Variants in SNX7 observed in about 807,000 individuals in gnomAD.
SNX7 encodes sorting nexin-7.
Under a neutral mutation model 48.4 loss-of-function variants are expected in SNX7, and 35 were observed. The observed-to-expected ratio is 0.72, with a 90% CI of 0.55 to 0.96. SNX7 has a LOEUF of 0.96. SNX7 is among the 40% of genes least tolerant of loss of function. The probability of loss-of-function intolerance (pLI) is 0.00; values close to 1 mark genes in which losing one functional copy is unlikely to be tolerated. For missense variants in SNX7, 553 were observed against 548.9 expected, an observed-to-expected ratio of 1.01 and a Z score of -0.07; for synonymous variants, 190 against 190.2, an observed-to-expected ratio of 1.00 and a Z score of 0.01.
intron 7 of SNX7, among the ~76,000 whole-genome samples, chr1:98,712,369 A>G (rs1450523654): frequency 2.0e-5 from 3 of 152,152 alleles, no homozygotes; most frequent in African/African-American, 7.2e-5. Context: ...AGTCTAAATG[A>G]CTCATTGACT....
intron 1 of SNX7, among the ~76,000 whole-genome samples, chr1:98,674,277 G>A (rs1442430578): frequency 6.6e-6 from 1 of 152,192 alleles, no homozygotes; most frequent in Admixed American, 6.5e-5. Context: ...CACAGACTGA[G>A]TGTCTTACAT....
chr1:98,692,651 A>G (rs773197028), intron 4 of SNX7, among the ~76,000 whole-genome samples: 58 of 152,160 alleles, frequency 3.8e-4, no homozygotes, highest in Non-Finnish European at 7.9e-4. Context: ...GTCACATGGC[A>G]TTTTAAGCAG....
intron 8 of SNX7, among the ~76,000 whole-genome samples, chr1:98,749,012 A>G (rs1654445585): frequency 6.6e-6 from 1 of 152,198 alleles, no homozygotes; most frequent in Admixed American, 6.5e-5. Context: ...GCGTATGCTA[A>G]CACAAAAACA....
rs190642581 is a variant in SNX7, at chr1:98,746,599, A to G, written c.1278+8210A>G. Reference sequence around the variant, plus strand: ...TAGAGATATAAGATTTCTAATGCTCATTAGAGTGTTCATTTTAACACCACT... The same window carrying G: ...TAGAGATATAAGATTTCTAATGCTCGTTAGAGTGTTCATTTTAACACCACT... On this transcript the variant is annotated intron_variant, in intron 8 of 8. Transcript: ENST00000306121. Among the ~76,000 whole-genome samples, 468 of 152,216 alleles carry G rather than the reference A, an allele frequency of 3.1e-3. 6 individuals are homozygous for G. Among genetic ancestry groups the G allele is most frequent in the African/African-American group, 0.011 (447 of 41,558 alleles).
At chr1:98,701,796 T>C in intron 6 of SNX7, 21 bp from the exon 7 acceptor site, 1 of 1,538,064 alleles carries the variant, frequency 6.5e-7, no homozygotes, top group South Asian at 1.2e-5. Flanking sequence ...GCCTATTTTA[T>C]CTGTGTGTTT....
At chr1:98,711,909 T>G (rs1298561689) in intron 7 of SNX7, among the ~76,000 whole-genome samples, 1 of 152,192 alleles carries the variant, frequency 6.6e-6, no homozygotes, top group Non-Finnish European at 1.5e-5. Flanking sequence ...TTCATAATAT[T>G]CTGAGTTCTT....
In SNX7 at chr1:98,701,894, T is replaced by G. The variant is rs374421350; in HGVS notation, c.1116T>G (p.Asp372Glu). The G allele has an allele frequency of 9.3e-6, 15 of 1,606,664 alleles. No homozygotes were observed. Among genetic ancestry groups the G allele is most frequent in the Non-Finnish European group, 1.3e-5 (15 of 1,176,464 alleles). The change falls in exon 7 of 9, where the codon GAT becomes GAG. Residue 372 changes from aspartate (D) to glutamate (E), a missense_variant. By Grantham distance (45) the Asp-to-Glu change is conservative (BLOSUM62 2). Transcript: ENST00000306121. ...KVEVLTYKKA[D>E]TDLLPEEIGK... ...AAGTTTTGACCTATAAAAAGGCAGA[T>G]ACTGATCTGGTAAGTTTTTAAGTTT...
intron 7 of SNX7, among the ~76,000 whole-genome samples, chr1:98,727,381 G>T (rs182695809): frequency 1.1e-3 from 171 of 152,116 alleles, no homozygotes; most frequent in Non-Finnish European, 2.0e-3. Context: ...CAACCTCAAA[G>T]ATTAAAGGTA....
At chr1:98,703,738 A>ATATTC (rs1651876117) in intron 7 of SNX7, among the ~76,000 whole-genome samples, 1 of 152,028 alleles carries the variant, frequency 6.6e-6, no homozygotes, top group Non-Finnish European at 1.5e-5. Flanking sequence ...AGAGAGAGTT[A>ATATTC]AGAGTCAATT....
At chr1:98,719,923 G>T (rs1652776459) in intron 7 of SNX7, among the ~76,000 whole-genome samples, 1 of 149,256 alleles carries the variant, frequency 6.7e-6, no homozygotes, top group Non-Finnish European at 1.5e-5. Flanking sequence ...TTTCAACTAT[G>T]TATATTATAT....
intron 8 of SNX7, among the ~76,000 whole-genome samples, chr1:98,753,612 TA>T (rs1654692405): frequency 1.3e-5 from 2 of 152,084 alleles, no homozygotes; most frequent in South Asian, 4.1e-4. Context: ...TTGCAGTTAT[TA>T]AAAATATATC....
chr1:98,708,465 G>T (rs1652129208), intron 7 of SNX7, among the ~76,000 whole-genome samples: 1 of 152,178 alleles, frequency 6.6e-6, no homozygotes, highest in African/African-American at 2.4e-5. Flanking sequence ...CCCAGTTACA[G>T]ATACCTGAAA....
At chr1:98,699,468 T>C (rs975261671) in intron 6 of SNX7, among the ~76,000 whole-genome samples, 2 of 152,168 alleles carry the variant, frequency 1.3e-5, no homozygotes, top group African/African-American at 4.8e-5. Context: ...GGTTTCCAGA[T>C]ATTTGGAATT....
chr1:98,752,410 T>A (rs1399691205), intron 8 of SNX7, among the ~76,000 whole-genome samples: 1 of 152,046 alleles, frequency 6.6e-6, no homozygotes, highest in African/African-American at 2.4e-5. Flanking sequence ...TTACATTTAT[T>A]TAATTAAAAA....
At chr1:98,752,490 C>A (rs907285856) in intron 8 of SNX7, among the ~76,000 whole-genome samples, 1 of 151,958 alleles carries the variant, frequency 6.6e-6, no homozygotes, top group African/African-American at 2.4e-5. Context: ...AGATTCTCAG[C>A]TTTACAGGCC....
intron 7 of SNX7, among the ~76,000 whole-genome samples, chr1:98,726,548 G>A (rs1458632847): frequency 6.6e-6 from 1 of 152,148 alleles, no homozygotes; most frequent in Non-Finnish European, 1.5e-5. Flanking sequence ...GCTTGATTAT[G>A]TCTGATTGTT....
Position 98,684,204 on chromosome 1 carries a change from C to T in SNX7, c.181-681C>T, listed in dbSNP as rs142502267. 9.1e-4 allele frequency among the ~76,000 whole-genome samples: 139 copies of T among 152,272 alleles called. 1 individual carries two copies. In the Middle Eastern group the frequency reaches 0.014, roughly 15 times the overall value. ...CACTGCTATTTTAGTTACCACTTGACGATCAGATCTCCAGTTTCCAAAAAG... is the reference window on the plus strand; with the variant it reads ...CACTGCTATTTTAGTTACCACTTGATGATCAGATCTCCAGTTTCCAAAAAG... On this transcript the variant is annotated intron_variant, in intron 1 of 8. Coordinates refer to ENST00000306121, the MANE Select transcript of SNX7 (RefSeq NM_015976.5).
chr1:98,736,371 G>A (rs768728796), intron 7 of SNX7, among the ~76,000 whole-genome samples: 3 of 152,164 alleles, frequency 2.0e-5, no homozygotes, highest in Non-Finnish European at 4.4e-5. Context: ...ATCCAGAGGA[G>A]GCTCTCTAAC....
Position 98,661,792 on chromosome 1 carries a change from A to T in SNX7, c.61A>T (p.Asn21Tyr). The T allele has an allele frequency of 8.0e-7, 1 of 1,243,986 alleles. No individual in the cohort carries two copies. Among genetic ancestry groups the T allele is most frequent in the African/African-American group, 1.6e-5 (1 of 64,318 alleles). 77.1% of individuals were successfully genotyped at this position (1,243,986 alleles called of 1,614,324 possible). ...PSSGLPAGGA[N>Y]GESPGGGAPF... is the part of the protein sequence containing the mutation. The stretch of plus-strand genomic sequence containing the variant: ...CTCGGGCCTCCCGGCCGGGGGCGCC[A>T]ACGGGGAGAGCCCGGGGGGCGGCGC... Residue 21 changes from asparagine to tyrosine, a missense_variant, in exon 1 of 9, where the codon AAC becomes TAC. Transcript: ENST00000306121.
Sources: allele counts gnomAD v4.1 joint callset (sites outside exome capture counted in the v4.1 genomes callset), GRCh38; gene constraint gnomAD v4.1.1; transcripts MANE v1.5; gene names NCBI Gene and HGNC (gene_info 2026-07-23, HGNC 2026-07-21).